SORCS2: variants seen among roughly 807,000 people sequenced by gnomAD.
The protein encoded by SORCS2 is sortilin related VPS10 domain containing receptor 2, also known as VPS10 domain-containing receptor SorCS2.
In SORCS2, 100 loss-of-function variants were observed where a neutral mutation model predicts 141.6. That is an observed-to-expected ratio of 0.71 (90% confidence interval 0.60 to 0.83). The LOEUF (loss-of-function observed/expected upper bound fraction) is 0.83, where lower values mean the gene tolerates loss of function less well. SORCS2 is among the 40% of genes least tolerant of loss of function. The probability of loss-of-function intolerance (pLI) is 0.00; values close to 1 mark genes in which losing one functional copy is unlikely to be tolerated. For synonymous variants in SORCS2, 789 were observed against 676.9 expected (o/e 1.17, Z -2.57); for missense variants, 1,646 against 1,560.2 (o/e 1.05, Z -0.93).
intron 2 of SORCS2, among the ~76,000 whole-genome samples, chr4:7,483,575 G>C (rs2109378618): frequency 6.6e-6 from 1 of 152,222 alleles, no homozygotes; most frequent in East Asian, 1.9e-4. Context: ...ACACTGTGCG[G>C]GGTGCTTTGT....
At chr4:7,270,748 CA>C (rs1183002759) in intron 1 of SORCS2, among the ~76,000 whole-genome samples, 3 of 152,072 alleles carry the variant, frequency 2.0e-5, no homozygotes, top group Non-Finnish European at 4.4e-5. Context: ...AAGCATTTAC[CA>C]AATGTGAAAT....
chr4:7,398,487 C>T (rs1168754467), intron 2 of SORCS2, among the ~76,000 whole-genome samples: 1 of 152,152 alleles, frequency 6.6e-6, no homozygotes, highest in African/African-American at 2.4e-5. Flanking sequence ...TCCGTGTTCC[C>T]TTCTCATCAC....
chr4:7,468,603 C>G (rs28731410), intron 2 of SORCS2, among the ~76,000 whole-genome samples: 2 of 151,546 alleles, frequency 1.3e-5, no homozygotes, highest in African/African-American at 4.9e-5. Context: ...AATGAATAAG[C>G]GTTCTTGTGC....
chr4:7,288,385 A>C (rs1164974385), intron 1 of SORCS2, among the ~76,000 whole-genome samples: 1 of 151,882 alleles, frequency 6.6e-6, no homozygotes, highest in East Asian at 1.9e-4. Flanking sequence ...TGTATTTGTC[A>C]ACTGGGGCTG....
At chr4:7,724,898 G>GCAGTGATGTTGGTGGAGGTGA (rs1560115002) in intron 19 of SORCS2, among the ~76,000 whole-genome samples, 1 of 48,352 alleles carries the variant, frequency 2.1e-5, no homozygotes, top group Admixed American at 2.5e-4. Flanking sequence ...GTTGGTGATG[G>GCAGTGATGTTGGTGGAGGTGA]TGGTGATAGT....
chr4:7,466,884 T>G (rs941787918), intron 2 of SORCS2, among the ~76,000 whole-genome samples: 1 of 152,120 alleles, frequency 6.6e-6, no homozygotes, highest in Non-Finnish European at 1.5e-5. Flanking sequence ...GCCATGTGCT[T>G]GGACAGGGCT....
At chr4:7,565,752 G>C (rs372417657) in intron 3 of SORCS2, among the ~76,000 whole-genome samples, 234 of 151,326 alleles carry the variant, frequency 1.5e-3, no homozygotes, top group African/African-American at 5.2e-3. Context: ...ATGTGAAAGT[G>C]ATGGTGATGG....
intron 1 of SORCS2, among the ~76,000 whole-genome samples, chr4:7,239,889 A>T (rs1183082202): frequency 6.6e-6 from 1 of 152,196 alleles, no homozygotes; most frequent in Non-Finnish European, 1.5e-5. Flanking sequence ...CTTTGTTGAA[A>T]CTGCTTTGGG....
Position 7,723,685 on chromosome 4 carries a change from G to A in SORCS2, c.2425-12G>A. 1 of 1,613,756 alleles carries A rather than the reference G, an allele frequency of 6.2e-7. No individual in the cohort carries two copies. Among genetic ancestry groups the A allele is most frequent in the Non-Finnish European group, 8.5e-7 (1 of 1,179,796 alleles). ...GCCCACTCCTGAGTGGCCACATGGT[G>A]TTTCTCTGCAGGGTGATGTCCTGAC... On this transcript the variant is annotated splice_polypyrimidine_tract_variant and intron_variant, in intron 18 of 26. Coordinates refer to ENST00000507866, the MANE Select transcript of SORCS2 (RefSeq NM_020777.3).
intron 2 of SORCS2, among the ~76,000 whole-genome samples, chr4:7,399,231 G>A (rs1047999697): frequency 6.6e-6 from 1 of 152,036 alleles, no homozygotes; most frequent in African/African-American, 2.4e-5. Flanking sequence ...TCTTCAAGAT[G>A]CTGCTTCCTC....
In SORCS2 at chr4:7,713,774, G is replaced by C. The variant is rs538466117; in HGVS notation, c.1990-466G>C. Among the ~76,000 whole-genome samples, 26 of 152,272 alleles carry C rather than the reference G, an allele frequency of 1.7e-4. No homozygotes were observed. The South Asian group carries it at 1.9e-3, about 11-fold the overall frequency. On this transcript the variant is annotated intron_variant, in intron 15 of 26. Transcript: ENST00000507866. Reference sequence around the variant, plus strand: ...CAGATGGGCCTAGGAGGAGGTTTAGGAGCTTGAATACAGGCCACCGGGCAT... The same window carrying C: ...CAGATGGGCCTAGGAGGAGGTTTAGCAGCTTGAATACAGGCCACCGGGCAT...
intron 1 of SORCS2, among the ~76,000 whole-genome samples, chr4:7,302,767 A>ATTGTGTGTGTG (rs753375857): frequency 2.0e-5 from 2 of 101,606 alleles, no homozygotes; most frequent in Non-Finnish European, 4.7e-5. Flanking sequence ...GACAGTCCAC[A>ATTGTGTGTGTG]TATGTGTGTG....
chr4:7,380,945 G>GGT (rs1722949856), intron 1 of SORCS2, among the ~76,000 whole-genome samples: 1 of 152,144 alleles, frequency 6.6e-6, no homozygotes, highest in African/African-American at 2.4e-5. Flanking sequence ...AGCTGGGTGT[G>GGT]GTGGCAGGTG....
At chr4:7,455,526 G>T (rs1219822458) in intron 2 of SORCS2, among the ~76,000 whole-genome samples, 1 of 143,148 alleles carries the variant, frequency 7.0e-6, no homozygotes, top group Admixed American at 7.0e-5. Flanking sequence ...GTCAGCCTCC[G>T]TGTTAGTGTC....
chr4:7,384,395 G>A (rs1252919983), intron 1 of SORCS2, among the ~76,000 whole-genome samples: 1 of 152,158 alleles, frequency 6.6e-6, no homozygotes, highest in Non-Finnish European at 1.5e-5. Context: ...AGGTTTTCTG[G>A]TCCAGGCATC....
intron 2 of SORCS2, among the ~76,000 whole-genome samples, chr4:7,527,192 G>A (rs1241528233): frequency 2.0e-5 from 3 of 152,156 alleles, no homozygotes; most frequent in Non-Finnish European, 4.4e-5. Context: ...CACATACCTC[G>A]GACCCGGCTC....
intron 1 of SORCS2, among the ~76,000 whole-genome samples, chr4:7,281,623 C>G (rs1022701647): frequency 6.6e-6 from 1 of 152,192 alleles, no homozygotes; most frequent in Admixed American, 6.5e-5. Context: ...TTCTTGCAAA[C>G]CCGGTGAAAC....
At chr4:7,514,136 T>G (rs1321290591) in intron 2 of SORCS2, among the ~76,000 whole-genome samples, 1 of 152,130 alleles carries the variant, frequency 6.6e-6, no homozygotes, top group African/African-American at 2.4e-5. Context: ...TGTTGGAAGC[T>G]GGAGCCGACA....
intron 2 of SORCS2, among the ~76,000 whole-genome samples, chr4:7,486,375 CA>C (rs1328188878): frequency 1.2e-4 from 5 of 40,516 alleles, no homozygotes; most frequent in Admixed American, 4.5e-4. Context: ...AGGGGTCTTC[CA>C]GCCTCCACCA....
Sources: gnomAD v4.1 joint callset for allele counts (sites outside exome capture counted in the v4.1 genomes callset) on GRCh38, gnomAD v4.1.1 for gene constraint, MANE v1.5 for transcripts, NCBI Gene and HGNC (gene_info 2026-07-23, HGNC 2026-07-21) for gene names.